Variants in SACS observed in about 807,000 individuals in gnomAD.
SACS encodes sacsin.
In SACS, 197 loss-of-function variants were observed where a neutral mutation model predicts 348.0. The ratio of observed to expected loss-of-function variants is 0.57; its 90% CI spans 0.50 to 0.64. The LOEUF (loss-of-function observed/expected upper bound fraction) is 0.64. Ranked by LOEUF, SACS falls within the 30% of genes least tolerant of loss-of-function variation. The pLI is 0.00. For synonymous variants in SACS, 1,985 were observed against 1,910.6 expected, an observed-to-expected ratio of 1.04 and a Z score of -1.02; for missense variants, 4,999 against 5,360.8, an observed-to-expected ratio of 0.93 and a Z score of 2.11.
Position 23,333,640 on chromosome 13 carries a change from G to A in SACS, c.10236C>T (p.Cys3412=). 1 of 1,613,802 alleles carries A rather than the reference G, an allele frequency of 6.2e-7. No individual in the cohort carries two copies. The highest frequency in any genetic ancestry group is 8.5e-7 in the Non-Finnish European group (1 of 1,179,768). Residue 3412 remains cysteine (C), a synonymous_variant, in exon 10 of 10, where the codon TGC becomes TGT. Coordinates refer to ENST00000382292, the MANE Select transcript of SACS (RefSeq NM_014363.6). ...CATAGCGGCCACTGATGGATTTATA[G>A]CACGGAAGTGACTTTAGAATTTTTA... is the stretch of plus-strand genomic sequence containing the variant. ...DDIKILKSLP[C]YKSISGRYVS...
At chr13:23,398,510 G>C (rs1872805469) in intron 2 of SACS, among the ~76,000 whole-genome samples, 1 of 149,684 alleles carries the variant, frequency 6.7e-6, no homozygotes, top group Admixed American at 6.7e-5. Context: ...CTCCAGCCTG[G>C]GCGACAAGAG....
Position 23,335,494 on chromosome 13 carries a change from G to A in SACS, c.8382C>T (p.Leu2794=), listed in dbSNP as rs1324486949. 1.2e-6 allele frequency: 2 copies of A among 1,613,636 alleles called. No individual in the cohort carries two copies. Among genetic ancestry groups the A allele is most frequent in the South Asian group, 1.1e-5 (1 of 91,062 alleles). The change falls in exon 10 of 10, where the codon CTC becomes CTT. Residue 2794 remains leucine, a synonymous_variant. Coordinates refer to ENST00000382292, the MANE Select transcript of SACS (RefSeq NM_014363.6). This position sits in a 1 kb window ranked among gnomAD's most constrained non-coding sequence, Gnocchi z 4.7. ...VIDSVTKKRQ[L]KDIPVQQITY... ...TTATTTGTTGAACTGGTATGTCTTT[G>A]AGCTGCCTCTTTTTAGTAACACTAT...
At chr13:23,350,214 A>T (rs1181452465) in intron 9 of SACS, among the ~76,000 whole-genome samples, 2 of 152,240 alleles carry the variant, frequency 1.3e-5, no homozygotes, top group Non-Finnish European at 2.9e-5. Flanking sequence ...TAGTGACGTC[A>T]GCCAGACTAT....
chr13:23,397,299 A>G (rs1872747137), intron 2 of SACS, among the ~76,000 whole-genome samples: 1 of 152,216 alleles, frequency 6.6e-6, no homozygotes. Context: ...AAGTAAAATG[A>G]CTGGTTGTTC....
chr13:23,409,359 T>C (rs1434180797), intron 2 of SACS, among the ~76,000 whole-genome samples: 23 of 148,616 alleles, frequency 1.5e-4, no homozygotes, highest in African/African-American at 5.5e-4. Flanking sequence ...TGGCCGTTTT[T>C]TTTTTTTTTT....
At position 23,339,755 on chromosome 13, in the gene SACS, C is replaced by T. The variant is rs1869018378; in HGVS notation, c.4121G>A (p.Ser1374Asn). 2 of 1,613,968 alleles carry T rather than the reference C, an allele frequency of 1.2e-6. No individual in the cohort carries two copies. The highest frequency in any genetic ancestry group is 3.3e-5 in the Admixed American group (2 of 60,004). The change falls in exon 10 of 10, where the codon AGC becomes AAC. Residue 1374 changes from serine to asparagine, a missense_variant. Physicochemically the swap from Ser to Asn is conservative, Grantham distance 46. This residue lies in a region of SACS where 3,156 missense variants were observed against 3,380.1 expected (regional missense o/e 0.93). Transcript: ENST00000382292. ...ATGTATAGGAACTGGTGTGTTGGGG[C>T]TTGCTGGAATCTGATTGCTATACAG... ...RWLYSNQIPASPNTPVPIHHS... is the reference protein window; with the variant it reads ...RWLYSNQIPANPNTPVPIHHS...
intron 8 of SACS, 63 bp downstream of exon 8, chr13:23,354,456 C>CA (rs1870184120): frequency 7.1e-7 from 1 of 1,415,548 alleles, no homozygotes; most frequent in Non-Finnish European, 1.0e-6. Context: ...AAAGGACTCT[C>CA]ACAGTGAGCA....
At chr13:23,410,161 G>A (rs1410045020) in intron 2 of SACS, among the ~76,000 whole-genome samples, 2 of 152,146 alleles carry the variant, frequency 1.3e-5, no homozygotes, top group Non-Finnish European at 1.5e-5. Context: ...TATGATGATA[G>A]GTAAGTAGAC....
Position 23,334,912 on chromosome 13 carries a change from G to T in SACS, c.8964C>A (p.Asp2988Glu). ...VKALYNCIHEDMKRLLPVVRA... is the reference protein window; with the variant it reads ...VKALYNCIHEEMKRLLPVVRA... ...GCACAACAGGTAAAAGACGTTTCATGTCTTCGTGAATGCAATTGTAAAGTG... is the reference window on the plus strand; with the variant it reads ...GCACAACAGGTAAAAGACGTTTCATTTCTTCGTGAATGCAATTGTAAAGTG... Residue 2988 changes from aspartate to glutamate, a missense_variant, in exon 10 of 10, where the codon GAC becomes GAA. Coordinates refer to ENST00000382292, the MANE Select transcript of SACS (RefSeq NM_014363.6). The T allele has an allele frequency of 1.2e-6, 2 of 1,613,854 alleles. No homozygotes were observed. The highest frequency in any genetic ancestry group is 1.7e-6 in the Non-Finnish European group (2 of 1,179,840).
Position 23,332,122 on chromosome 13 carries a change from C to T in SACS, c.11754G>A (p.Lys3918=). The change falls in exon 10 of 10, where the codon AAG becomes AAA. Residue 3918 remains lysine, a synonymous_variant. Transcript: ENST00000382292. ...YLPSQDGRLV[K]SSILVFDDAP... ...CATCGTCAAACACTAAGATGCTTGA[C>T]TTTACCAATCTACCATCCTGGCTTG... is the stretch of plus-strand genomic sequence containing the variant. 6.2e-7 allele frequency: 1 copy of T among 1,614,082 alleles called. No homozygotes were observed. The highest frequency in any genetic ancestry group is 8.5e-7 in the Non-Finnish European group (1 of 1,179,966).
rs117872137 is a variant in SACS at position 23,330,089 on chromosome 13, C to T, written c.*47G>A. On this transcript the variant is annotated 3_prime_UTR_variant, in exon 10 of 10. Coordinates refer to ENST00000382292, the MANE Select transcript of SACS (RefSeq NM_014363.6). ...GCTTAATGAAGTACAGCAATTTATTCGTGCTACAACACATTCAAGATCTAC... is the reference window on the plus strand; with the variant it reads ...GCTTAATGAAGTACAGCAATTTATTTGTGCTACAACACATTCAAGATCTAC... The T allele has an allele frequency of 2.7e-4, 409 of 1,526,712 alleles. No homozygotes were observed. The highest frequency in any genetic ancestry group is 3.8e-4 in the Middle Eastern group (2 of 5,260). 94.6% of individuals were successfully genotyped at this position (1,526,712 alleles called of 1,614,324 possible).
At position 23,353,914 on chromosome 13, in the gene SACS, C is replaced by A. The variant is rs779798718; in HGVS notation, c.2094-38G>T. 16 of 1,121,988 alleles carry A rather than the reference C, an allele frequency of 1.4e-5. No homozygotes were observed. The East Asian group carries it at 1.6e-4, about 12-fold the overall frequency. The allele number at this position is 1,121,988 out of a possible 1,614,324, so 69.5% of individuals were successfully genotyped here. A position where few individuals can be genotyped will look rare whatever the true frequency, so the allele number is the denominator to read the frequency against. ...AGGAACAGCAATCATCATAATCTTC[C>A]CACAATTCCAAGATTTTAAAAAAAC... On this transcript the variant is annotated intron_variant, in intron 8 of 9. Coordinates refer to ENST00000382292, the MANE Select transcript of SACS (RefSeq NM_014363.6).
At chr13:23,385,141 C>CAA (rs71185074) in intron 2 of SACS, among the ~76,000 whole-genome samples, 160 of 135,160 alleles carry the variant, frequency 1.2e-3, no homozygotes, top group Non-Finnish European at 1.8e-3. Flanking sequence ...GACTCTGTCT[C>CAA]AAAAAAAAAA....
chr13:23,433,363 CTG>C (rs1381513363), intron 1 of SACS, among the ~76,000 whole-genome samples: 1 of 152,200 alleles, frequency 6.6e-6, no homozygotes, highest in Non-Finnish European at 1.5e-5. Flanking sequence ...CCAACCCAAA[CTG>C]TACATTTTCA....
At chr13:23,343,457 C>T (rs1356605887) in intron 9 of SACS, among the ~76,000 whole-genome samples, 5 of 152,240 alleles carry the variant, frequency 3.3e-5, no homozygotes, top group East Asian at 3.9e-4. Context: ...GGCGCCAAAG[C>T]GGGTGGAACA....
At position 23,340,271 on chromosome 13, in the gene SACS, A is replaced by G. The variant is rs1869077627; in HGVS notation, c.3605T>C (p.Val1202Ala). 10 of 1,613,170 alleles carry G rather than the reference A, an allele frequency of 6.2e-6. No individual in the cohort carries two copies. Among genetic ancestry groups the G allele is most frequent in the Non-Finnish European group, 8.5e-6 (10 of 1,179,496 alleles). ...TTCCAGGTTTACATGGATACTTTCA[A>G]CAAGAGGAAGTGAGGAGCCAATGAG... ...AILIGSSLPL[V>A]ESIHVNLEKA... Residue 1202 changes from valine to alanine, a missense_variant, in exon 10 of 10, where the codon GTT (valine) becomes GCT (alanine). Physicochemically the swap from Val to Ala is moderately conservative, Grantham distance 64 (BLOSUM62 0). Coordinates refer to ENST00000382292, the MANE Select transcript of SACS (RefSeq NM_014363.6).
chr13:23,338,525 C>T lies in SACS; in HGVS notation c.5351G>A (p.Gly1784Asp). 6.2e-7 allele frequency: 1 copy of T among 1,614,116 alleles called. No homozygotes were observed. The highest frequency in any genetic ancestry group is 1.1e-5 in the South Asian group (1 of 91,072). ...GAGAGCAGCTGGGTCATCATCTGGA[C>T]CTCTAAAAAGTGGCGACTGTAAATC... ...IADLQSPLFR[G>D]PDDDPAALFE... The change falls in exon 10 of 10, where the codon GGT becomes GAT. Residue 1784 changes from glycine to aspartate, a missense_variant. Around this residue, in one of 6 missense-constraint regions of SACS, gnomAD observed 3,156 missense variants for 3,380.1 expected, o/e 0.93. Transcript: ENST00000382292.
rs756117709 is a variant in SACS at position 23,333,504 on chromosome 13, G to A, written c.10372C>T (p.His3458Tyr). ...SSSAFLEEKI[H>Y]LKELYEVIGC... ...ATCACCTCATATAGTTCTTTTAAGT[G>A]TATTTTTTCTTCAAGAAATGCAGAT... The change falls in exon 10 of 10, where the codon CAC becomes TAC. Residue 3458 changes from histidine (H) to tyrosine (Y), a missense_variant. This residue lies in a region of SACS where 734 missense variants were observed against 694.0 expected (regional missense o/e 1.06). Transcript: ENST00000382292. The A allele has an allele frequency of 1.2e-6, 2 of 1,613,278 alleles. No individual in the cohort carries two copies. Among genetic ancestry groups the A allele is most frequent in the African/African-American group, 1.3e-5 (1 of 74,996 alleles).
Position 23,338,143 on chromosome 13 carries a change from C to T in SACS, c.5733G>A (p.Thr1911=), listed in dbSNP as rs754333038. ...KTDTKGRWNT[T]FMRHVIVKAY... ...CTTTCACAATAACATGTCTCATGAACGTGGTATTCCATCGTCCTTTTGTAT... is the reference window on the plus strand; with the variant it reads ...CTTTCACAATAACATGTCTCATGAATGTGGTATTCCATCGTCCTTTTGTAT... The change falls in exon 10 of 10, where the codon ACG becomes ACA. Residue 1911 remains threonine (T), a synonymous_variant. Coordinates refer to ENST00000382292, the MANE Select transcript of SACS (RefSeq NM_014363.6). 11 of 1,614,108 alleles carry T rather than the reference C, an allele frequency of 6.8e-6. No homozygotes were observed. Among genetic ancestry groups the T allele is most frequent in the South Asian group, 2.2e-5 (2 of 91,076 alleles).
Sources: allele counts gnomAD v4.1 joint callset (sites outside exome capture counted in the v4.1 genomes callset), GRCh38; gene constraint gnomAD v4.1.1; regional missense constraint gnomAD v4.1.1; non-coding constraint Gnocchi (gnomAD v3.1); transcripts MANE v1.5; gene names NCBI Gene and HGNC (gene_info 2026-07-23, HGNC 2026-07-21).